MAGI2: variants seen among roughly 807,000 people sequenced by gnomAD.
MAGI2 encodes membrane-associated guanylate kinase, WW and PDZ domain-containing protein 2.
A neutral mutation model predicts 133.3 loss-of-function variants in MAGI2; 35 were observed. The observed-to-expected ratio is 0.26, with a 90% confidence interval of 0.20 to 0.35. The LOEUF (loss-of-function observed/expected upper bound fraction) is 0.35, where lower values mean the gene tolerates loss of function less well. Ranked by LOEUF, MAGI2 falls within the 10% of genes least tolerant of loss-of-function variation. The probability of loss-of-function intolerance (pLI) is 1.00; values close to 1 mark genes in which losing one functional copy is unlikely to be tolerated. For synonymous variants in MAGI2, 729 were observed against 710.6 expected (o/e 1.03, Z -0.41); for missense variants, 1,636 against 1,863.4 (o/e 0.88, Z 2.25).
chr7:78,779,672 A>T (rs111675930), intron 2 of MAGI2, among the ~76,000 whole-genome samples: 40 of 152,338 alleles, frequency 2.6e-4, no homozygotes, highest in African/African-American at 8.7e-4. Flanking sequence ...GGAACTCATC[A>T]GGCTCATAGA....
At chr7:78,207,878 G>A (rs946075689) in intron 10 of MAGI2, among the ~76,000 whole-genome samples, 5 of 151,946 alleles carry the variant, frequency 3.3e-5, no homozygotes, top group African/African-American at 1.2e-4. Flanking sequence ...TGTTGTTGTT[G>A]TTGTTTTTTG....
At chr7:78,177,978 C>A in intron 14 of MAGI2, 33 bp downstream of exon 14, 1 of 1,459,280 alleles carries the variant, frequency 6.9e-7, no homozygotes, top group Non-Finnish European at 9.6e-7. Context: ...ACAATACAGC[C>A]CCAAGCATGG....
rs142553506 is a variant in MAGI2 at position 79,185,566 on chromosome 7, G to T, written c.302-178360C>A. Among the ~76,000 whole-genome samples the T allele has an allele frequency of 2.4e-4, 36 of 147,154 alleles. 1 individual carries two copies. The highest frequency in any genetic ancestry group is 6.1e-4 in the African/African-American group (24 of 39,556). On this transcript the variant is annotated intron_variant, in intron 1 of 21. Transcript: ENST00000354212. ...CAATGGCATGTCTATTACATAGCAG[G>T]TATTCAATGGCGTTTGCTAAATGAA... is the stretch of plus-strand genomic sequence containing the variant.
At chr7:78,795,180 T>C (rs1006292391) in intron 2 of MAGI2, among the ~76,000 whole-genome samples, 11 of 151,922 alleles carry the variant, frequency 7.2e-5, no homozygotes, top group Admixed American at 3.9e-4. Flanking sequence ...ATTATTATAA[T>C]GATCTTATAT....
intron 1 of MAGI2, among the ~76,000 whole-genome samples, chr7:79,297,465 G>T (rs1465773998): frequency 6.6e-6 from 1 of 152,146 alleles, no homozygotes; most frequent in Non-Finnish European, 1.5e-5. Flanking sequence ...CGAGAAGGCA[G>T]TTGACTAAGA....
At chr7:78,111,189 G>T (rs1008145327) in intron 20 of MAGI2, among the ~76,000 whole-genome samples, 1 of 152,070 alleles carries the variant, frequency 6.6e-6, no homozygotes. Flanking sequence ...GAAAAATTAC[G>T]GTTAAGCTTA....
intron 2 of MAGI2, chr7:78,901,171 C>G (rs1797594961): frequency 6.6e-6 from 1 of 152,116 alleles, no homozygotes; most frequent in Non-Finnish European, 1.5e-5. Flanking sequence ...GTTTAAGGAG[C>G]AGGGATTAAA....
chr7:78,939,926 C>T (rs1800838132), intron 2 of MAGI2: 1 of 152,176 alleles, frequency 6.6e-6, no homozygotes, highest in Non-Finnish European at 1.5e-5. Flanking sequence ...TCTAAACACG[C>T]TGTTGCCTGG....
Position 78,545,275 on chromosome 7 carries a change from C to T in MAGI2, c.539-23630G>A, listed in dbSNP as rs183820303. ...TCATCCAGGCTGGAGAGCAGTGGCT[C>T]GATCTCTGCTCACTGCAAACTCCAC... On this transcript the variant is annotated intron_variant, in intron 3 of 21. Coordinates refer to ENST00000354212, the MANE Select transcript of MAGI2 (RefSeq NM_012301.4). 1.6e-3 allele frequency among the ~76,000 whole-genome samples: 225 copies of T among 138,142 alleles called. 1 individual carries two copies. The highest frequency in any genetic ancestry group is 5.9e-3 in the African/African-American group (215 of 36,340). The allele number at this position is 138,142 out of a possible 152,430, so 90.6% of individuals were successfully genotyped here.
rs541578549 is a variant in MAGI2, at chr7:78,541,515, T to C, written c.539-19870A>G. The stretch of plus-strand genomic sequence containing the variant: ...GACACTCACATCCTGTAAAGAAAGA[T>C]GCAGTCCTGGTGGTATTTCTTGACT... On this transcript the variant is annotated intron_variant, in intron 3 of 21. Transcript: ENST00000354212. 3.3e-4 allele frequency among the ~76,000 whole-genome samples: 50 copies of C among 152,300 alleles called. 2 individuals are homozygous for C. In the South Asian group the frequency reaches 9.7e-3, roughly 30 times the overall value.
intron 1 of MAGI2, among the ~76,000 whole-genome samples, chr7:79,243,580 C>T (rs1832585075): frequency 6.6e-6 from 1 of 152,000 alleles, no homozygotes; most frequent in South Asian, 2.1e-4. Context: ...TTTTAAAATG[C>T]TGGAAAAAAG....
At chr7:78,694,460 G>A (rs1375895558) in intron 2 of MAGI2, among the ~76,000 whole-genome samples, 2 of 152,244 alleles carry the variant, frequency 1.3e-5, no homozygotes, top group Non-Finnish European at 2.9e-5. Flanking sequence ...AAGGAACACA[G>A]TCTAAAACCA....
At chr7:78,840,327 T>C (rs1005038366) in intron 2 of MAGI2, among the ~76,000 whole-genome samples, 3 of 152,070 alleles carry the variant, frequency 2.0e-5, no homozygotes, top group Non-Finnish European at 2.9e-5. Context: ...ACTCATACAA[T>C]ACGTTGAGTA....
chr7:78,897,386 T>C (rs1448777286), intron 2 of MAGI2, among the ~76,000 whole-genome samples: 1 of 152,196 alleles, frequency 6.6e-6, no homozygotes, highest in Non-Finnish European at 1.5e-5. Flanking sequence ...TCTTACCCTT[T>C]TTCTGGAGCC....
At chr7:78,997,280 T>A (rs1806399341) in intron 2 of MAGI2, among the ~76,000 whole-genome samples, 1 of 152,122 alleles carries the variant, frequency 6.6e-6, no homozygotes, top group Non-Finnish European at 1.5e-5. Flanking sequence ...TGAGAATTGA[T>A]CCAATTCCAA....
At chr7:79,139,313 C>T (rs1479250381) in intron 1 of MAGI2, among the ~76,000 whole-genome samples, 1 of 152,080 alleles carries the variant, frequency 6.6e-6, no homozygotes, top group African/African-American at 2.4e-5. Context: ...ACTCATTTAC[C>T]ACTCATTAAG....
chr7:79,029,397 G>T (rs1001961702), intron 1 of MAGI2, among the ~76,000 whole-genome samples: 2 of 152,066 alleles, frequency 1.3e-5, no homozygotes, highest in Non-Finnish European at 2.9e-5. Flanking sequence ...TAAAGATGGG[G>T]TATTTAAGAT....
At position 79,425,581 on chromosome 7, in the gene MAGI2, TA is replaced by T. The variant is rs1847295430; in HGVS notation, c.301+27438del. The stretch of plus-strand genomic sequence containing the variant: ...TGTTTTGCAGAAAATAAGGGTTTTA[TA>T]TATATATATATATATATGTATATAT... On this transcript the variant is annotated intron_variant, in intron 1 of 21. Transcript: ENST00000354212. Among the ~76,000 whole-genome samples the T allele has an allele frequency of 1.2e-4, 6 of 50,164 alleles. No individual in the cohort carries two copies. The South Asian group carries it at 3.2e-3, about 26-fold the overall frequency. 32.9% of individuals were successfully genotyped at this position (50,164 alleles called of 152,430 possible). A position where few individuals can be genotyped will look rare whatever the true frequency, so the allele number is the denominator to read the frequency against.
At chr7:78,607,112 G>A (rs1456754472) in intron 3 of MAGI2, among the ~76,000 whole-genome samples, 2 of 152,128 alleles carry the variant, frequency 1.3e-5, no homozygotes, top group Admixed American at 6.6e-5. Context: ...TATACTAGAG[G>A]TGGGCATTGT....
Sources: gnomAD v4.1 joint callset for allele counts (sites outside exome capture counted in the v4.1 genomes callset) on GRCh38, gnomAD v4.1.1 for gene constraint, MANE v1.5 for transcripts, NCBI Gene and HGNC (gene_info 2026-07-23, HGNC 2026-07-21) for gene names.